Variants in MAGI2 observed in about 807,000 individuals in gnomAD.
The protein encoded by MAGI2 is membrane-associated guanylate kinase, WW and PDZ domain-containing protein 2.
A neutral mutation model predicts 133.3 loss-of-function variants in MAGI2; 35 were observed. The ratio of observed to expected loss-of-function variants is 0.26; its 90% confidence interval spans 0.20 to 0.35. The LOEUF is 0.35. Ranked by LOEUF, MAGI2 falls within the 10% of genes least tolerant of loss-of-function variation. MAGI2 has a pLI of 1.00. For missense variants in MAGI2, 1,636 were observed against 1,863.4 expected, an observed-to-expected ratio of 0.88 and a Z score of 2.25; for synonymous variants, 729 against 710.6, an observed-to-expected ratio of 1.03 and a Z score of -0.41.
chr7:78,508,794 T>G (rs1183609605), intron 4 of MAGI2, among the ~76,000 whole-genome samples: 3 of 152,228 alleles, frequency 2.0e-5, no homozygotes, highest in Admixed American at 6.5e-5. Flanking sequence ...GGCGTGAAGC[T>G]ATATTTGATT....
At chr7:78,573,817 T>C (rs1801988025) in intron 3 of MAGI2, among the ~76,000 whole-genome samples, 1 of 152,096 alleles carries the variant, frequency 6.6e-6, no homozygotes, top group Non-Finnish European at 1.5e-5. Context: ...CATTGCCAAG[T>C]ACCCGGAGCT....
At chr7:78,032,031 T>A (rs866091270) in intron 21 of MAGI2, among the ~76,000 whole-genome samples, 5 of 134,220 alleles carry the variant, frequency 3.7e-5, no homozygotes, top group African/African-American at 5.4e-5. Context: ...TTTTTTTTTT[T>A]ACAATTCCGG....
intron 16 of MAGI2, among the ~76,000 whole-genome samples, chr7:78,136,903 A>T (rs1315747613): frequency 6.6e-6 from 1 of 152,218 alleles, no homozygotes; most frequent in East Asian, 1.9e-4. Flanking sequence ...TAGATAGCAT[A>T]TGAAAATATT....
Position 78,912,752 on chromosome 7 carries a change from TATATATATATCATTC to T in MAGI2, c.418+94323_418+94337del, listed in dbSNP as rs1448602231. 2.7e-4 allele frequency among the ~76,000 whole-genome samples: 40 copies of T among 147,954 alleles called. 1 individual carries two copies. The South Asian group carries it at 2.7e-3, about 10-fold the overall frequency. On this transcript the variant is annotated intron_variant, in intron 2 of 21. Coordinates refer to ENST00000354212, the MANE Select transcript of MAGI2 (RefSeq NM_012301.4). ...ATCATTCATATATATATCATTCATA[TATATATATATCATTC>T]ATATATATATCATTCATATATATAT...
In MAGI2 at chr7:79,244,075, T is replaced by C. The variant is rs117342563; in HGVS notation, c.301+208945A>G. On this transcript the variant is annotated intron_variant, in intron 1 of 21. Coordinates refer to ENST00000354212, the MANE Select transcript of MAGI2 (RefSeq NM_012301.4). ...GTTTCTTCTGCCTATGAGGTCTTTG[T>C]ATAAGTAATGCACACTAACCAATCA... 4.9e-3 allele frequency among the ~76,000 whole-genome samples: 743 copies of C among 152,346 alleles called. 3 individuals are homozygous for C. Among genetic ancestry groups the C allele is most frequent in the Middle Eastern group, 0.017 (5 of 294 alleles).
At chr7:78,626,541 G>A (rs2150953020) in intron 3 of MAGI2, among the ~76,000 whole-genome samples, 1 of 152,228 alleles carries the variant, frequency 6.6e-6, no homozygotes, top group South Asian at 2.1e-4. Flanking sequence ...TGCATTCAAG[G>A]TTTTGGTTTC....
intron 3 of MAGI2, among the ~76,000 whole-genome samples, chr7:78,577,394 T>C (rs1802376208): frequency 1.3e-5 from 2 of 152,206 alleles, no homozygotes; most frequent in Admixed American, 1.3e-4. Context: ...TGTTATATAT[T>C]TGAAATAAGC....
chr7:79,115,188 C>G (rs76475877), intron 1 of MAGI2, among the ~76,000 whole-genome samples: 5,466 of 152,186 alleles, frequency 0.036, 345 homozygotes, highest in African/African-American at 0.12. Context: ...GAAAACCTGT[C>G]TACCTTAAGA....
chr7:79,296,269 C>T (rs1836920725), intron 1 of MAGI2, among the ~76,000 whole-genome samples: 1 of 152,176 alleles, frequency 6.6e-6, no homozygotes. Context: ...TATCAGAAAT[C>T]ATATCCCCTT....
At chr7:78,564,297 C>T (rs1380585420) in intron 3 of MAGI2, among the ~76,000 whole-genome samples, 2 of 152,122 alleles carry the variant, frequency 1.3e-5, no homozygotes, top group African/African-American at 4.8e-5. Flanking sequence ...AATCTGTCAC[C>T]TTGGATCAAC....
intron 9 of MAGI2, among the ~76,000 whole-genome samples, chr7:78,288,947 G>A (rs936864758): frequency 3.9e-5 from 6 of 152,168 alleles, no homozygotes; most frequent in East Asian, 1.9e-4. Flanking sequence ...AACCCCATCT[G>A]TACGTCACCA....
At chr7:78,158,245 A>G (rs928224807) in intron 16 of MAGI2, 1 of 152,078 alleles carries the variant, frequency 6.6e-6, no homozygotes, top group Non-Finnish European at 1.5e-5. Context: ...TCGTGTTTCC[A>G]TACCCAACAT....
Position 78,852,678 on chromosome 7 carries a change from C to T in MAGI2, c.418+154412G>A, listed in dbSNP as rs114346431. Among the ~76,000 whole-genome samples the T allele has an allele frequency of 2.1e-3, 319 of 152,174 alleles. 1 individual carries two copies. The highest frequency in any genetic ancestry group is 7.4e-3 in the African/African-American group (309 of 41,534). On this transcript the variant is annotated intron_variant, in intron 2 of 21. Coordinates refer to ENST00000354212, the MANE Select transcript of MAGI2 (RefSeq NM_012301.4). ...CCTCTATTTTAAAATATGACACTTA[C>T]ATATATGCATGATAAATTTTTCCAA...
intron 2 of MAGI2, among the ~76,000 whole-genome samples, chr7:78,853,283 A>G (rs1793300043): frequency 1.4e-5 from 2 of 142,852 alleles, no homozygotes; most frequent in African/African-American, 2.6e-5. Context: ...GCCTCCCATT[A>G]ACCCACCGTG....
At chr7:79,108,918 G>C (rs1818672764) in intron 1 of MAGI2, among the ~76,000 whole-genome samples, 1 of 152,120 alleles carries the variant, frequency 6.6e-6, no homozygotes, top group Non-Finnish European at 1.5e-5. Context: ...TTTGGCTCCT[G>C]CTTTAGTCAT....
chr7:78,458,689 C>T (rs1246519611), intron 6 of MAGI2, among the ~76,000 whole-genome samples: 1 of 149,924 alleles, frequency 6.7e-6, no homozygotes, highest in South Asian at 2.1e-4. Flanking sequence ...GGCTGGAGTG[C>T]AGTGGCACGA....
intron 2 of MAGI2, among the ~76,000 whole-genome samples, chr7:78,674,682 A>G (rs1467202533): frequency 1.3e-5 from 2 of 152,176 alleles, no homozygotes; most frequent in Non-Finnish European, 2.9e-5. Context: ...AAATTATTGT[A>G]CAGAGAATTA....
At chr7:78,340,774 T>A (rs1790288026) in intron 9 of MAGI2, among the ~76,000 whole-genome samples, 1 of 151,888 alleles carries the variant, frequency 6.6e-6, no homozygotes, top group African/African-American at 2.4e-5. Flanking sequence ...TACTAAAACC[T>A]CTCCATAAAC....
intron 2 of MAGI2, among the ~76,000 whole-genome samples, chr7:78,992,011 A>G (rs890680077): frequency 8.6e-5 from 13 of 152,036 alleles, no homozygotes; most frequent in Non-Finnish European, 1.9e-4. Flanking sequence ...TCCAAGAACT[A>G]TATTTGTATT....
Sources: gnomAD v4.1 joint callset for allele counts (sites outside exome capture counted in the v4.1 genomes callset) on GRCh38, gnomAD v4.1.1 for gene constraint, MANE v1.5 for transcripts, NCBI Gene and HGNC (gene_info 2026-07-23, HGNC 2026-07-21) for gene names.